The following PREX2 variants were observed in gnomAD, a reference collection of about 807,000 sequenced individuals.
PREX2 encodes phosphatidylinositol-3,4,5-trisphosphate dependent Rac exchange factor 2, also known as phosphatidylinositol 3,4,5-trisphosphate-dependent Rac exchanger 2 protein.
Under a neutral mutation model 203.2 loss-of-function variants are expected in PREX2, and 107 were observed. The ratio of observed to expected loss-of-function variants is 0.53; its 90% confidence interval spans 0.45 to 0.62. PREX2 has a LOEUF of 0.62. PREX2 is among the 20% of genes least tolerant of loss of function. PREX2 has a pLI of 0.00. For missense variants in PREX2, 1,777 were observed against 1,955.9 expected, an observed-to-expected ratio of 0.91 and a Z score of 1.72; for synonymous variants, 672 against 663.6, an observed-to-expected ratio of 1.01 and a Z score of -0.19.
chr8:67,997,155 T>G (rs2129609633), intron 1 of PREX2, among the ~76,000 whole-genome samples: 2 of 152,342 alleles, frequency 1.3e-5, no homozygotes, highest in South Asian at 2.1e-4. Context: ...TTGCCATTAC[T>G]TTTGATGGGA....
chr8:68,109,695 A>C (rs1810498977), intron 25 of PREX2, 72 bp downstream of exon 25: 1 of 1,242,876 alleles, frequency 8.0e-7, no homozygotes, highest in Non-Finnish European at 1.2e-6. Flanking sequence ...AGAAAAATTC[A>C]ATCATTCTCT....
In PREX2 at chr8:68,047,469, TTATATATATATATATATATATA is replaced by T. The variant is rs3056653; in HGVS notation, c.943+2896_943+2917del. On this transcript the variant is annotated intron_variant, in intron 8 of 39. Transcript: ENST00000288368. ...GTTATAAATAATAAAATGGATGAAT[TTATATATATATATATATATATA>T]TATATATATATATATACACATACAT... Among the ~76,000 whole-genome samples the T allele has an allele frequency of 7.9e-4, 93 of 117,606 alleles. 2 individuals carry two copies. Among genetic ancestry groups the T allele is most frequent in the African/African-American group, 2.8e-3 (87 of 30,936 alleles). 77.2% of individuals were successfully genotyped at this position (117,606 alleles called of 152,430 possible). A position where few individuals can be genotyped will look rare whatever the true frequency, so the allele number is the denominator to read the frequency against.
At chr8:68,205,055 A>G (rs886189793) in intron 37 of PREX2, among the ~76,000 whole-genome samples, 4 of 152,262 alleles carry the variant, frequency 2.6e-5, no homozygotes, top group African/African-American at 7.2e-5. Context: ...GAAACCCAGT[A>G]TGGTCATAGG....
intron 30 of PREX2, among the ~76,000 whole-genome samples, chr8:68,122,788 T>C (rs921886938): frequency 2.6e-5 from 4 of 152,144 alleles, no homozygotes; most frequent in Non-Finnish European, 4.4e-5. Context: ...GGGCAGGTTA[T>C]TCAATATCCA....
chr8:68,000,075 T>A (rs1202363826), intron 1 of PREX2, among the ~76,000 whole-genome samples: 2 of 152,138 alleles, frequency 1.3e-5, no homozygotes, highest in African/African-American at 4.8e-5. Context: ...ATGCCCTCTC[T>A]CACCACTCCT....
chr8:67,960,788 G>A (rs1204878608), intron 1 of PREX2, among the ~76,000 whole-genome samples: 1 of 152,048 alleles, frequency 6.6e-6, no homozygotes, highest in Non-Finnish European at 1.5e-5. Flanking sequence ...GAAGAGAACC[G>A]TAATGATTTG....
chr8:67,965,316 C>A (rs1365776400), intron 1 of PREX2, among the ~76,000 whole-genome samples: 5 of 152,082 alleles, frequency 3.3e-5, no homozygotes, highest in Non-Finnish European at 5.9e-5. Flanking sequence ...TAATTTAAGT[C>A]CTCTGGGATC....
chr8:68,060,315 A>C (rs925353333), intron 10 of PREX2, among the ~76,000 whole-genome samples: 1 of 152,180 alleles, frequency 6.6e-6, no homozygotes, highest in Non-Finnish European at 1.5e-5. Context: ...GACTTTAGCT[A>C]TCTTTAGGAT....
At chr8:68,006,101 CAG>C (rs1807084577) in intron 1 of PREX2, among the ~76,000 whole-genome samples, 1 of 152,186 alleles carries the variant, frequency 6.6e-6, no homozygotes, top group African/African-American at 2.4e-5. Context: ...AGTTGACCTG[CAG>C]AGAGCAGCTC....
At chr8:68,052,989 G>A (rs750949167) in intron 8 of PREX2, 108 bp from the exon 9 acceptor site, 74 of 922,506 alleles carry the variant, frequency 8.0e-5, no homozygotes, top group Non-Finnish European at 1.0e-4. Flanking sequence ...GCAAAGAGAT[G>A]TTGAACAATT....
intron 14 of PREX2, 115 bp from the exon 15 acceptor site, chr8:68,077,282 A>AT: frequency 9.2e-6 from 7 of 761,334 alleles, no homozygotes; most frequent in Non-Finnish European, 1.7e-5. Flanking sequence ...AAAGCAATGC[A>AT]TGCTTTATAA....
intron 23 of PREX2, 58 bp from the exon 24 acceptor site, chr8:68,108,051 A>T: frequency 8.7e-7 from 1 of 1,144,034 alleles, no homozygotes; most frequent in Admixed American, 2.5e-5. Context: ...AGTGAAAAAA[A>T]GATGCCTGAG....
At chr8:68,027,447 A>G (rs1563507218) in intron 5 of PREX2, 124 bp downstream of exon 5, 1 of 658,218 alleles carries the variant, frequency 1.5e-6, no homozygotes, top group Non-Finnish European at 2.6e-6. Flanking sequence ...TAAGTATTGG[A>G]AAAAAGTGGC....
At chr8:68,179,770 A>G (rs971791795) in intron 35 of PREX2, among the ~76,000 whole-genome samples, 3 of 152,200 alleles carry the variant, frequency 2.0e-5, no homozygotes, top group African/African-American at 7.2e-5. Flanking sequence ...TGAAAGTATT[A>G]AGAACACATC....
At chr8:68,137,030 C>A (rs888626646) in intron 32 of PREX2, among the ~76,000 whole-genome samples, 3 of 151,790 alleles carry the variant, frequency 2.0e-5, no homozygotes, top group Admixed American at 2.0e-4. Flanking sequence ...CTCAGCCTCC[C>A]AAGTAGCTGG....
At chr8:68,190,442 T>C (rs1255354247) in intron 35 of PREX2, among the ~76,000 whole-genome samples, 3 of 152,172 alleles carry the variant, frequency 2.0e-5, no homozygotes, top group Non-Finnish European at 4.4e-5. Flanking sequence ...TGTAGCAACA[T>C]GGATGGAGCT....
chr8:68,138,394 A>G (rs1811154182), intron 32 of PREX2, 21 bp from the exon 33 acceptor site: 1 of 1,285,050 alleles, frequency 7.8e-7, no homozygotes, highest in Non-Finnish European at 1.1e-6. Flanking sequence ...TGTATTATAT[A>G]TTGTTTTTCT....
intron 34 of PREX2, among the ~76,000 whole-genome samples, chr8:68,151,757 G>A (rs1220603869): frequency 1.3e-5 from 2 of 150,258 alleles, no homozygotes; most frequent in Middle Eastern, 3.2e-3. Flanking sequence ...ATGCTCTTGA[G>A]TATTCTCTTT....
chr8:68,019,727 A>C, intron 3 of PREX2, 56 bp downstream of exon 3: 1 of 1,521,426 alleles, frequency 6.6e-7, no homozygotes, highest in South Asian at 1.2e-5. Context: ...TTTGAGATTT[A>C]GCTCTTGGCA....
Sources: allele counts gnomAD v4.1 joint callset (sites outside exome capture counted in the v4.1 genomes callset), GRCh38; gene constraint gnomAD v4.1.1; transcripts MANE v1.5; gene names NCBI Gene and HGNC (gene_info 2026-07-23, HGNC 2026-07-21).